The following CCDC6 variants were observed in gnomAD, a reference collection of about 807,000 sequenced individuals.
CCDC6 encodes coiled-coil domain-containing protein 6.
In CCDC6, 20 loss-of-function variants were observed where a neutral mutation model predicts 56.6. That is an observed-to-expected ratio of 0.35 (90% confidence interval 0.25 to 0.51). The LOEUF (loss-of-function observed/expected upper bound fraction) is 0.51, where lower values mean the gene tolerates loss of function less well. CCDC6 is among the 20% of genes least tolerant of loss of function. The pLI is 0.95. For missense variants in CCDC6, 367 were observed against 601.1 expected (o/e 0.61, Z 4.07); for synonymous variants, 241 against 234.4 (o/e 1.03, Z -0.26).
chr10:59,897,865 T>C (rs893366495), intron 1 of CCDC6, among the ~76,000 whole-genome samples: 3 of 152,230 alleles, frequency 2.0e-5, no homozygotes, highest in Non-Finnish European at 4.4e-5. Flanking sequence ...TGATGACTTA[T>C]GCCTGGCTGA....
chr10:59,794,105 G>C (rs1366283270), intron 8 of CCDC6, among the ~76,000 whole-genome samples: 3 of 152,120 alleles, frequency 2.0e-5, no homozygotes, highest in Non-Finnish European at 2.9e-5. Context: ...CTAACTTCAG[G>C]AAGAATACTG....
At chr10:59,837,919 C>T (rs889167425) in intron 2 of CCDC6, among the ~76,000 whole-genome samples, 2 of 151,970 alleles carry the variant, frequency 1.3e-5, no homozygotes, top group Admixed American at 1.3e-4. Flanking sequence ...AAGGCCACCC[C>T]AGGACAATAA....
chr10:59,837,032 A>T (rs1473640424), intron 2 of CCDC6, among the ~76,000 whole-genome samples: 2 of 152,240 alleles, frequency 1.3e-5, no homozygotes, highest in Non-Finnish European at 2.9e-5. Flanking sequence ...AATGAAATAC[A>T]CAAGTGTAGC....
chr10:59,797,164 C>A (rs1354560986), intron 7 of CCDC6, among the ~76,000 whole-genome samples: 1 of 152,082 alleles, frequency 6.6e-6, no homozygotes, highest in Admixed American at 6.6e-5. Context: ...AAGGACAAAT[C>A]CTGCCTGGTT....
In CCDC6 at chr10:59,852,707, TTA is replaced by T; in HGVS notation, c.304-7_304-6del. 3 of 1,519,684 alleles carry T rather than the reference TTA, an allele frequency of 2.0e-6. No homozygotes were observed. Among genetic ancestry groups the T allele is most frequent in the East Asian group, 2.4e-5 (1 of 41,680 alleles). 94.1% of individuals were successfully genotyped at this position (1,519,684 alleles called of 1,614,324 possible). A position where few individuals can be genotyped will look rare whatever the true frequency, so the allele number is the denominator to read the frequency against. ...TTCCTGCTCAGCCCTGGCTTGCTGT[TTA>T]AAAAAAAAAAAGGAAAGAACAAAAC... is the stretch of plus-strand genomic sequence containing the variant. On this transcript the variant is annotated splice_polypyrimidine_tract_variant and splice_region_variant and intron_variant, in intron 1 of 8. Coordinates refer to ENST00000263102, the MANE Select transcript of CCDC6 (RefSeq NM_005436.5).
At chr10:59,859,813 C>T (rs2071111992) in intron 1 of CCDC6, among the ~76,000 whole-genome samples, 1 of 152,168 alleles carries the variant, frequency 6.6e-6, no homozygotes, top group Non-Finnish European at 1.5e-5. Context: ...GATACAGAAA[C>T]CACCTCTTTG....
intron 2 of CCDC6, among the ~76,000 whole-genome samples, chr10:59,837,289 T>G (rs940932141): frequency 2.6e-5 from 4 of 152,222 alleles, no homozygotes; most frequent in African/African-American, 9.6e-5. Flanking sequence ...GCACGCTGGA[T>G]GCTGAGAGCA....
At chr10:59,876,414 T>C (rs936129686) in intron 1 of CCDC6, among the ~76,000 whole-genome samples, 10 of 152,006 alleles carry the variant, frequency 6.6e-5, no homozygotes, top group South Asian at 2.1e-4. Flanking sequence ...AAATAGATTA[T>C]TTGCCGTCAC....
In CCDC6 at chr10:59,789,911, G is replaced by GC. The variant is rs2070453517; in HGVS notation, c.*3005dup. ...TATTTCTGGTTGAATTCTGTTAGAA[G>GC]CCAATTACAAAGGGACAGTAGCACT... On this transcript the variant is annotated 3_prime_UTR_variant, in exon 9 of 9. Transcript: ENST00000263102. The GC allele has an allele frequency of 9.2e-6, 2 of 217,092 alleles. No individual in the cohort carries two copies. Among genetic ancestry groups the GC allele is most frequent in the East Asian group, 1.4e-4 (2 of 14,450 alleles). 13.4% of individuals were successfully genotyped at this position (217,092 alleles called of 1,614,324 possible). A position where few individuals can be genotyped will look rare whatever the true frequency, so the allele number is the denominator to read the frequency against.
At chr10:59,863,720 T>A (rs76418874) in intron 1 of CCDC6, among the ~76,000 whole-genome samples, 2,518 of 152,332 alleles carry the variant, frequency 0.017, 29 homozygotes, top group Middle Eastern at 0.044. Flanking sequence ...GCATTCTCTA[T>A]AACATGCACG....
intron 1 of CCDC6, among the ~76,000 whole-genome samples, chr10:59,900,141 C>T (rs1203660688): frequency 6.6e-6 from 1 of 152,016 alleles, no homozygotes; most frequent in East Asian, 1.9e-4. Flanking sequence ...CAAATTCTGC[C>T]CCCAAAGAAA....
At chr10:59,875,658 C>G (rs2071272980) in intron 1 of CCDC6, among the ~76,000 whole-genome samples, 1 of 152,172 alleles carries the variant, frequency 6.6e-6, no homozygotes, top group Non-Finnish European at 1.5e-5. Context: ...TACAACATGG[C>G]AAAGTTTGAG....
At chr10:59,806,547 T>C (rs2070625324) in intron 6 of CCDC6, 1 of 159,904 alleles carries the variant, frequency 6.3e-6, no homozygotes, top group African/African-American at 2.4e-5. Context: ...TTCCTCGAGC[T>C]GCACTATAGC....
At chr10:59,890,148 T>C (rs997131392) in intron 1 of CCDC6, among the ~76,000 whole-genome samples, 3 of 151,952 alleles carry the variant, frequency 2.0e-5, no homozygotes, top group Non-Finnish European at 2.9e-5. Flanking sequence ...AAGGCATAGA[T>C]AGGCCCAGTT....
rs1174216246 is a variant in CCDC6, at chr10:59,791,440, A to T, written c.*1477T>A. 1 of 196,824 alleles carries T rather than the reference A, an allele frequency of 5.1e-6. No homozygotes were observed. The highest frequency in any genetic ancestry group is 1.1e-5 in the Non-Finnish European group (1 of 94,634). 12.2% of individuals were successfully genotyped at this position (196,824 alleles called of 1,614,324 possible). ...GTTTCTATACTGTACAATATTAAATATCTACAATGTCATGGTTCCTTATTT... is the reference window on the plus strand; with the variant it reads ...GTTTCTATACTGTACAATATTAAATTTCTACAATGTCATGGTTCCTTATTT... On this transcript the variant is annotated 3_prime_UTR_variant, in exon 9 of 9. Coordinates refer to ENST00000263102, the MANE Select transcript of CCDC6 (RefSeq NM_005436.5).
intron 5 of CCDC6, 25 bp downstream of exon 5, chr10:59,812,610 A>C (rs1451563522): frequency 1.3e-6 from 2 of 1,560,784 alleles, no homozygotes; most frequent in East Asian, 4.5e-5. Context: ...CAGGCATGAA[A>C]CTAGTGAAAC....
chr10:59,836,433 AC>A (rs2070883593), intron 2 of CCDC6, among the ~76,000 whole-genome samples: 1 of 152,222 alleles, frequency 6.6e-6, no homozygotes, highest in Non-Finnish European at 1.5e-5. Flanking sequence ...ATATGGGCAA[AC>A]TTTTCTAGGC....
chr10:59,840,941 C>CA (rs1230720331), intron 2 of CCDC6, among the ~76,000 whole-genome samples: 9 of 152,174 alleles, frequency 5.9e-5, no homozygotes, highest in South Asian at 4.1e-4. Context: ...CCTTGGCCCC[C>CA]AATCCATAAT....
At chr10:59,905,123 T>G (rs1171829) in intron 1 of CCDC6, among the ~76,000 whole-genome samples, 150,395 of 152,312 alleles carry the variant, frequency 0.99, 74,282 homozygotes, top group Middle Eastern at 1. Flanking sequence ...TGGGGATCCT[T>G]CATGTTAATG....
Sources: allele counts gnomAD v4.1 joint callset (sites outside exome capture counted in the v4.1 genomes callset), GRCh38; gene constraint gnomAD v4.1.1; transcripts MANE v1.5; gene names NCBI Gene and HGNC (gene_info 2026-07-23, HGNC 2026-07-21).